PCDHA2: variants seen among roughly 807,000 people sequenced by gnomAD.
The protein encoded by PCDHA2 is protocadherin alpha 2, also known as protocadherin alpha-2.
PCDHA2 carries 58 observed loss-of-function variants against 66.0 expected under a neutral mutation model. That is an observed-to-expected ratio of 0.88 (90% CI 0.71 to 1.09). The LOEUF (loss-of-function observed/expected upper bound fraction) is 1.09. Among genes scored for constraint, PCDHA2 ranks in the 50% least tolerant of loss-of-function variants. The pLI, the probability that PCDHA2 is intolerant of heterozygous loss-of-function variation, is 0.00. For synonymous variants in PCDHA2, 634 were observed against 554.0 expected, an observed-to-expected ratio of 1.14 and a Z score of -2.03; for missense variants, 1,267 against 1,242.3, an observed-to-expected ratio of 1.02 and a Z score of -0.30.
intron 3 of PCDHA2, 42 bp from the exon 4 acceptor site, chr5:141,009,585 T>C: frequency 6.3e-7 from 1 of 1,592,908 alleles, no homozygotes; most frequent in Non-Finnish European, 8.6e-7. Flanking sequence ...ATCAAGAGCA[T>C]GTGTTGACCC....
intron 1 of PCDHA2, chr5:140,883,026 A>C (rs1562783010): frequency 6.2e-7 from 1 of 1,614,190 alleles, no homozygotes; most frequent in Non-Finnish European, 8.5e-7. Context: ...ACGGTGTTAG[A>C]GAACGCCTTC....
At chr5:140,905,383 A>G (rs576453128) in intron 1 of PCDHA2, among the ~76,000 whole-genome samples, 8 of 152,324 alleles carry the variant, frequency 5.3e-5, no homozygotes, top group African/African-American at 1.7e-4. Flanking sequence ...GTTCTGTTTC[A>G]TAGGTCTGTG....
chr5:140,968,727 G>A, intron 1 of PCDHA2: 1 of 1,614,162 alleles, frequency 6.2e-7, no homozygotes, highest in Admixed American at 1.7e-5. Context: ...GAGAGTGGTA[G>A]CACTTTCAAC....
At chr5:140,986,019 G>A (rs562523452) in intron 3 of PCDHA2, among the ~76,000 whole-genome samples, 66 of 152,154 alleles carry the variant, frequency 4.3e-4, no homozygotes, top group Middle Eastern at 3.4e-3. Flanking sequence ...GATTACAGGC[G>A]TGAGCCACTG....
At chr5:140,858,604 AT>A (rs2045515312) in intron 1 of PCDHA2, 6 of 1,276,538 alleles carry the variant, frequency 4.7e-6, no homozygotes, top group Non-Finnish European at 6.4e-6. Flanking sequence ...GAGTTTTAAA[AT>A]TTTTTTATCC....
At chr5:140,857,985 T>C (rs1554150982) in intron 1 of PCDHA2, 4 of 1,596,676 alleles carry the variant, frequency 2.5e-6, no homozygotes, top group South Asian at 2.2e-5. Flanking sequence ...CGCCAGCGCC[T>C]ACTGGTGCTG....
Position 140,795,653 on chromosome 5 carries a change from T to C in PCDHA2, c.689T>C (p.Ile230Thr), listed in dbSNP as rs1057279342. Residue 230 changes from isoleucine (I) to threonine (T), a missense_variant, in exon 1 of 4, where the codon ATT (isoleucine) becomes ACT (threonine). Transcript: ENST00000526136. ...PELTGTVQIL[I>T]KVLDVNDNEP... Reference sequence around the variant, plus strand: ...CTCACGGGCACCGTTCAAATACTTATTAAGGTATTAGATGTAAATGACAAT... The same window carrying C: ...CTCACGGGCACCGTTCAAATACTTACTAAGGTATTAGATGTAAATGACAAT... The C allele has an allele frequency of 1.4e-5, 23 of 1,614,058 alleles. No individual in the cohort carries two copies. Among genetic ancestry groups the C allele is most frequent in the Admixed American group, 1.3e-4 (8 of 60,026 alleles).
intron 1 of PCDHA2, chr5:140,823,394 G>C: frequency 6.2e-7 from 1 of 1,612,934 alleles, no homozygotes; most frequent in Non-Finnish European, 8.5e-7. Flanking sequence ...CGCGACGCGG[G>C]CGTGCCGCCT....
intron 1 of PCDHA2, chr5:140,807,895 T>A (rs141163311): frequency 9.3e-6 from 15 of 1,613,994 alleles, no homozygotes; most frequent in African/African-American, 4.0e-5. Flanking sequence ...TGGATGCCAA[T>A]GACAATGCCC....
At chr5:140,870,417 C>T (rs2051990915) in intron 1 of PCDHA2, 1 of 1,614,092 alleles carries the variant, frequency 6.2e-7, no homozygotes, top group Admixed American at 1.7e-5. Flanking sequence ...GGGCCACGGC[C>T]AGGGTATCCG....
chr5:140,932,474 A>G (rs1444534569), intron 1 of PCDHA2, among the ~76,000 whole-genome samples: 1 of 151,904 alleles, frequency 6.6e-6, no homozygotes, highest in African/African-American at 2.4e-5. Context: ...AGGAAATAGG[A>G]TATCTCCTCT....
At chr5:140,830,281 C>A (rs2150184212) in intron 1 of PCDHA2, 1 of 1,613,822 alleles carries the variant, frequency 6.2e-7, no homozygotes, top group Non-Finnish European at 8.5e-7. Flanking sequence ...CCACCGAGGG[C>A]GCGTGCACGG....
rs570308036 is a variant in PCDHA2 at position 140,863,611 on chromosome 5, C to T, written c.2388+66259C>T. 129 of 339,126 alleles carry T rather than the reference C, an allele frequency of 3.8e-4. 2 individuals are homozygous for T. The highest frequency in any genetic ancestry group is 3.0e-3 in the South Asian group (124 of 41,340). The allele number at this position is 339,126 out of a possible 1,614,324, so 21.0% of individuals were successfully genotyped here. A position where few individuals can be genotyped will look rare whatever the true frequency, so the allele number is the denominator to read the frequency against. On this transcript the variant is annotated intron_variant, in intron 1 of 3. Coordinates refer to ENST00000526136, the MANE Select transcript of PCDHA2 (RefSeq NM_018905.3). ...AAGTATTTCATTCCTATTAATGTCC[C>T]TCATAGTGACATTGATAATGTTCAC...
At chr5:140,841,755 C>A (rs2150322270) in intron 1 of PCDHA2, 2 of 1,613,886 alleles carry the variant, frequency 1.2e-6, no homozygotes, top group South Asian at 2.2e-5. Context: ...GTTTCAGAAT[C>A]CAGAATGCCA....
chr5:140,836,796 CCTT>C (rs2150270187), intron 1 of PCDHA2: 1 of 1,377,882 alleles, frequency 7.3e-7, no homozygotes, highest in Non-Finnish European at 9.9e-7. Flanking sequence ...CAATTGGTCT[CCTT>C]AAATTTTCTT....
At chr5:140,962,203 C>T (rs1431150597) in intron 1 of PCDHA2, among the ~76,000 whole-genome samples, 1 of 152,086 alleles carries the variant, frequency 6.6e-6, no homozygotes, top group African/African-American at 2.4e-5. Flanking sequence ...CTTCCTATCT[C>T]CTTATTGATC....
Position 140,962,743 on chromosome 5 carries a change from A to T in PCDHA2, c.2389-16206A>T, listed in dbSNP as rs1298793627. 2.0e-5 allele frequency among the ~76,000 whole-genome samples: 3 copies of T among 152,324 alleles called. No individual in the cohort carries two copies. The East Asian group carries it at 5.8e-4, about 29-fold the overall frequency. On this transcript the variant is annotated intron_variant, in intron 1 of 3. Coordinates refer to ENST00000526136, the MANE Select transcript of PCDHA2 (RefSeq NM_018905.3). Reference sequence around the variant, plus strand: ...ATTTTCCTTCTGGGGATGCATGAAGATCAGGAATCCTATTCGTTTTTAACA... The same window carrying T: ...ATTTTCCTTCTGGGGATGCATGAAGTTCAGGAATCCTATTCGTTTTTAACA...
At chr5:140,807,581 G>T (rs138189439) in intron 1 of PCDHA2, 90 of 1,614,060 alleles carry the variant, frequency 5.6e-5, no homozygotes, top group Non-Finnish European at 7.4e-5. Flanking sequence ...TAACCCGCCG[G>T]TGTTCCCAGC....
chr5:140,955,175 A>G (rs1212192227), intron 1 of PCDHA2, among the ~76,000 whole-genome samples: 1 of 152,058 alleles, frequency 6.6e-6, no homozygotes, highest in Non-Finnish European at 1.5e-5. Flanking sequence ...TGGTTACTGT[A>G]GTTTTGTGGT....
Sources: gnomAD v4.1 joint callset for allele counts (sites outside exome capture counted in the v4.1 genomes callset) on GRCh38, gnomAD v4.1.1 for gene constraint, MANE v1.5 for transcripts, NCBI Gene and HGNC (gene_info 2026-07-23, HGNC 2026-07-21) for gene names.